WNK1: variants seen among roughly 807,000 people sequenced by gnomAD.
WNK1 encodes the protein WNK lysine deficient protein kinase 1, also known as serine/threonine-protein kinase WNK1.
Under a neutral mutation model 222.8 loss-of-function variants are expected in WNK1, and 38 were observed. The observed-to-expected ratio is 0.17, with a 90% CI of 0.13 to 0.22. WNK1 has a LOEUF of 0.22. Ranked by LOEUF, WNK1 falls within the 10% of genes least tolerant of loss-of-function variation. The pLI is 1.00. For synonymous variants in WNK1, 1,090 were observed against 1,092.9 expected (o/e 1.00, Z 0.05); for missense variants, 2,348 against 2,918.4 (o/e 0.80, Z 4.50).
intron 23 of WNK1, 52 bp downstream of exon 23, chr12:894,687 T>C (rs748810336): frequency 6.5e-7 from 1 of 1,543,198 alleles, no homozygotes; most frequent in Non-Finnish European, 9.0e-7. Flanking sequence ...AGGAGTTGTC[T>C]ATATAATAAA....
chr12:839,884 ATT>A (rs781052888), intron 4 of WNK1, among the ~76,000 whole-genome samples: 66 of 128,396 alleles, frequency 5.1e-4, no homozygotes, highest in African/African-American at 8.5e-4. Context: ...TGCCTGGCTA[ATT>A]TTTTTTTTTT....
chr12:825,950 A>G (rs1175286740), intron 2 of WNK1, among the ~76,000 whole-genome samples: 1 of 152,198 alleles, frequency 6.6e-6, no homozygotes, highest in Non-Finnish European at 1.5e-5. Flanking sequence ...TCTTTTCTAC[A>G]GTGGGTAGCA....
rs1048903550 is a variant in WNK1 at position 908,921 on chromosome 12, G to T, written c.*129G>T. 1.1e-5 allele frequency: 12 copies of T among 1,096,890 alleles called. No individual in the cohort carries two copies. Among genetic ancestry groups the T allele is most frequent in the Admixed American group, 8.1e-5 (4 of 49,428 alleles). 67.9% of individuals were successfully genotyped at this position (1,096,890 alleles called of 1,614,324 possible). ...TAACTGGTTATTTCTTGCCAGAGGG[G>T]AATGTTTTTAATACTGCATTGAGCC... On this transcript the variant is annotated 3_prime_UTR_variant, in exon 28 of 28. Transcript: ENST00000315939.
At position 875,936 on chromosome 12, in the gene WNK1, G is replaced by A. The variant is rs552367039; in HGVS notation, c.2224-2276G>A. Among the ~76,000 whole-genome samples the A allele has an allele frequency of 2.0e-5, 3 of 152,152 alleles. No individual in the cohort carries two copies. In the South Asian group the frequency reaches 6.2e-4, roughly 32 times the overall value. On this transcript the variant is annotated intron_variant, in intron 9 of 27. Transcript: ENST00000315939. ...TTAAAGTTTAAATTTGTTCAAGTTG[G>A]CAAATAAAAAAGGTTTTCTGGTTTT...
intron 4 of WNK1, chr12:851,834 T>G: frequency 8.0e-7 from 1 of 1,248,778 alleles, no homozygotes; most frequent in South Asian, 1.3e-5. Flanking sequence ...GCCTTTTTGG[T>G]GATATTGGTA....
intron 26 of WNK1, chr12:901,637 G>T: frequency 1.6e-6 from 2 of 1,288,724 alleles, no homozygotes; most frequent in Non-Finnish European, 2.0e-6. Context: ...TTCTGAGTAC[G>T]CCCTGCTTGG....
At chr12:795,572 CTTCTGCCACGA>C (rs1359279842) in intron 1 of WNK1, among the ~76,000 whole-genome samples, 1 of 152,140 alleles carries the variant, frequency 6.6e-6, no homozygotes, top group Non-Finnish European at 1.5e-5. Context: ...TCCTCCTTGC[CTTCTGCCACGA>C]TTCTGAGGCC....
At chr12:889,855 C>A (rs1954043044) in intron 21 of WNK1, among the ~76,000 whole-genome samples, 1 of 151,768 alleles carries the variant, frequency 6.6e-6, no homozygotes, top group Admixed American at 6.6e-5. Flanking sequence ...AACTGTTTTT[C>A]TGTGAATATC....
chr12:901,501 T>C (rs1011254022), intron 26 of WNK1: 4 of 1,183,842 alleles, frequency 3.4e-6, no homozygotes, highest in Non-Finnish European at 4.4e-6. Flanking sequence ...TCTAACATCT[T>C]GTAGTTGTGT....
chr12:809,974 G>T (rs10849561), intron 1 of WNK1, among the ~76,000 whole-genome samples: 5 of 151,970 alleles, frequency 3.3e-5, no homozygotes, highest in East Asian at 3.9e-4. Context: ...AATAGAGGCC[G>T]GGCACGGTGG....
At chr12:785,491 C>T (rs935995645) in intron 1 of WNK1, among the ~76,000 whole-genome samples, 3 of 151,064 alleles carry the variant, frequency 2.0e-5, no homozygotes, top group African/African-American at 7.3e-5. Context: ...GCCTCCACCT[C>T]CCAGGTTCAA....
intron 25 of WNK1, among the ~76,000 whole-genome samples, chr12:898,182 T>C (rs2154096584): frequency 6.6e-6 from 1 of 152,272 alleles, no homozygotes; most frequent in South Asian, 2.1e-4. Flanking sequence ...TTATATTGGG[T>C]TAAAGAACTT....
chr12:888,392 G>A (rs756183509), intron 20 of WNK1, among the ~76,000 whole-genome samples: 1 of 152,172 alleles, frequency 6.6e-6, no homozygotes, highest in Non-Finnish European at 1.5e-5. Flanking sequence ...TTAAAAACAT[G>A]GATTCAGATT....
chr12:899,530 G>A lies in WNK1; in HGVS notation c.6449-946G>A, dbSNP rs1037384613. On this transcript the variant is annotated intron_variant, in intron 25 of 27. Transcript: ENST00000315939. ...ACTTCTGGCCTCAGGTGATCCGCCC[G>A]CCTCAGCCTCCCAAAGTGCGGATTA... is the stretch of plus-strand genomic sequence containing the variant. Among the ~76,000 whole-genome samples, 29 of 151,988 alleles carry A rather than the reference G, an allele frequency of 1.9e-4. No individual in the cohort carries two copies. In the Middle Eastern group the frequency reaches 0.02, roughly 107 times the overall value.
intron 9 of WNK1, among the ~76,000 whole-genome samples, chr12:876,993 T>TA (rs1345690949): frequency 6.6e-6 from 1 of 151,866 alleles, no homozygotes; most frequent in Non-Finnish European, 1.5e-5. Context: ...GCAGATGTTG[T>TA]ATTAAAGAAA....
chr12:848,051 C>T (rs1029285576), intron 4 of WNK1, among the ~76,000 whole-genome samples: 9 of 151,912 alleles, frequency 5.9e-5, no homozygotes, highest in East Asian at 1.9e-4. Context: ...GTGATCTGCC[C>T]GCTTCGGCCC....
Position 762,124 on chromosome 12 carries a change from A to G in WNK1, c.759+7800A>G, listed in dbSNP as rs1189203166. Among the ~76,000 whole-genome samples, 5 of 144,600 alleles carry G rather than the reference A, an allele frequency of 3.5e-5. 1 individual carries two copies. Among genetic ancestry groups the G allele is most frequent in the Non-Finnish European group, 4.6e-5 (3 of 65,092 alleles). The allele number at this position is 144,600 out of a possible 152,430, so 94.9% of individuals were successfully genotyped here. ...GCCCAGGCTGGAGTACAGTGGCACAATCTCAGCTCACTGCTACCTCTGCCT... is the reference window on the plus strand; with the variant it reads ...GCCCAGGCTGGAGTACAGTGGCACAGTCTCAGCTCACTGCTACCTCTGCCT... On this transcript the variant is annotated intron_variant, in intron 1 of 27. Transcript: ENST00000315939.
chr12:753,645 A>G lies in WNK1; in HGVS notation c.80A>G (p.Asn27Ser). 1 of 1,612,454 alleles carries G rather than the reference A, an allele frequency of 6.2e-7. No individual in the cohort carries two copies. Among genetic ancestry groups the G allele is most frequent in the South Asian group, 1.1e-5 (1 of 91,066 alleles). Residue 27 changes from asparagine (N) to serine (S), a missense_variant, in exon 1 of 28, where the codon AAT becomes AGT. Physicochemically the swap from Asn to Ser is conservative, Grantham distance 46 (BLOSUM62 1). This residue lies in a region of WNK1 where 108 missense variants were observed against 109.7 expected (regional missense o/e 0.98). Coordinates refer to ENST00000315939, the MANE Select transcript of WNK1 (RefSeq NM_018979.4). This position sits in a 1 kb window ranked among gnomAD's most constrained non-coding sequence, Gnocchi z 5.2. The part of the protein sequence containing the change: ...FLSPPAPAPK[N>S]GSSSDSSVGE... The stretch of plus-strand genomic sequence containing the variant: ...TCGCCGCCGGCTCCTGCCCCCAAGA[A>G]TGGCTCCAGCTCCGATTCCTCCGTG...
intron 1 of WNK1, among the ~76,000 whole-genome samples, chr12:765,696 C>A (rs1941610901): frequency 6.6e-6 from 1 of 151,952 alleles, no homozygotes; most frequent in South Asian, 2.1e-4. Flanking sequence ...TTCTGGGAGG[C>A]CGAGGTGAGA....
Sources: allele counts gnomAD v4.1 joint callset (sites outside exome capture counted in the v4.1 genomes callset), GRCh38; gene constraint gnomAD v4.1.1; regional missense constraint gnomAD v4.1.1; non-coding constraint Gnocchi (gnomAD v3.1); transcripts MANE v1.5; gene names NCBI Gene and HGNC (gene_info 2026-07-23, HGNC 2026-07-21).